KIF7: variants seen among roughly 807,000 people sequenced by gnomAD.
KIF7 encodes kinesin-like protein KIF7.
KIF7 carries 104 observed loss-of-function variants against 135.7 expected under a neutral mutation model. The ratio of observed to expected loss-of-function variants is 0.77; its 90% confidence interval spans 0.65 to 0.90. KIF7 has a LOEUF of 0.90. KIF7 is among the 40% of genes least tolerant of loss of function. The probability of loss-of-function intolerance (pLI) is 0.00; values close to 1 mark genes in which losing one functional copy is unlikely to be tolerated. For missense variants in KIF7, 2,005 were observed against 1,839.1 expected, an observed-to-expected ratio of 1.09 and a Z score of -1.65; for synonymous variants, 883 against 809.4, an observed-to-expected ratio of 1.09 and a Z score of -1.54.
At chr15:89,654,861 T>C (rs1474049225) in intron 1 of KIF7, among the ~76,000 whole-genome samples, 13 of 152,354 alleles carry the variant, frequency 8.5e-5, no homozygotes, top group Admixed American at 6.5e-5. Context: ...CCAGCCCCTA[T>C]TGGGCTCCCG....
chr15:89,645,271 TG>T, intron 9 of KIF7, 64 bp downstream of exon 9: 1 of 1,599,082 alleles, frequency 6.3e-7, no homozygotes, highest in South Asian at 1.1e-5. Context: ...TGTCCCAAGG[TG>T]GCTGGCCCAG....
chr15:89,631,520 C>T lies in KIF7; in HGVS notation c.3086G>A (p.Arg1029Lys), dbSNP rs1208462065. 1.3e-6 allele frequency: 2 copies of T among 1,581,672 alleles called. No homozygotes were observed. The highest frequency in any genetic ancestry group is 4.6e-5 in the East Asian group (2 of 43,406). Residue 1029 changes from arginine (R) to lysine (K), a missense_variant, in exon 15 of 19, where the codon AGG becomes AAG. Transcript: ENST00000394412. The part of the protein sequence containing the change: ...KQRLEIDGKL[R>K]QGSLLSPEEE... Reference sequence around the variant, plus strand: ...CTCGGGGGACAGCAGACTCCCCTGCCTCAGCTTGCCGTCGATCTCCAGGCG... The same window carrying T: ...CTCGGGGGACAGCAGACTCCCCTGCTTCAGCTTGCCGTCGATCTCCAGGCG...
chr15:89,624,784 A>C, downstream of KIF7: 1 of 1,614,230 alleles, frequency 6.2e-7, no homozygotes, highest in Non-Finnish European at 8.5e-7. Context: ...TGAGGGGCTA[A>C]GGACAGCAGA....
intron 2 of KIF7, among the ~76,000 whole-genome samples, chr15:89,652,310 G>GCCAC (rs1964136407): frequency 1.3e-5 from 2 of 152,082 alleles, no homozygotes; most frequent in Admixed American, 1.3e-4. Context: ...CTAGAGACAC[G>GCCAC]CCACCTTCCC....
chr15:89,642,862 C>A (rs1452977121), intron 10 of KIF7, among the ~76,000 whole-genome samples: 1 of 152,242 alleles, frequency 6.6e-6, no homozygotes, highest in Non-Finnish European at 1.5e-5. Flanking sequence ...AGCCACCGCG[C>A]CCAGCCTCAA....
intron 2 of KIF7, 106 bp from the exon 3 acceptor site, chr15:89,650,047 AGGAT>A: frequency 1.7e-6 from 2 of 1,174,776 alleles, no homozygotes; most frequent in Non-Finnish European, 2.4e-6. Context: ...ATGGTGCTCT[AGGAT>A]GGAGAAGGCA....
chr15:89,625,053 C>T, downstream of KIF7: 1 of 1,614,004 alleles, frequency 6.2e-7, no homozygotes. Context: ...TAGACCCCAG[C>T]TCTTCATTAG....
At chr15:89,629,632 C>A (rs1367397456) in intron 16 of KIF7, 59 bp from the exon 17 acceptor site, 1 of 1,596,424 alleles carries the variant, frequency 6.3e-7, no homozygotes, top group South Asian at 1.1e-5. Flanking sequence ...TCCAGCTAAT[C>A]CTCAATCACA....
At chr15:89,654,269 A>G (rs1964172109) in intron 1 of KIF7, among the ~76,000 whole-genome samples, 1 of 151,028 alleles carries the variant, frequency 6.6e-6, no homozygotes, top group African/African-American at 2.4e-5. Context: ...TCGGCCTCCC[A>G]AAGTGCTGGG....
intron 7 of KIF7, among the ~76,000 whole-genome samples, 187 bp from the exon 8 acceptor site, chr15:89,646,213 G>A (rs1022480807): frequency 1.3e-5 from 2 of 151,068 alleles, no homozygotes; most frequent in African/African-American, 2.4e-5. Flanking sequence ...CTCCCCTCCC[G>A]CCTGCTTTGG....
chr15:89,620,932 C>T (rs745454378), intron 1 of KIF7, among the ~76,000 whole-genome samples: 1 of 151,516 alleles, frequency 6.6e-6, no homozygotes. Flanking sequence ...CTGTGTTAGC[C>T]AGGATAGTCT....
Position 89,628,804 on chromosome 15 carries a change from G to C in KIF7, c.3665-18C>G, listed in dbSNP as rs78862745. 9 of 1,611,504 alleles carry C rather than the reference G, an allele frequency of 5.6e-6. No homozygotes were observed. The highest frequency in any genetic ancestry group is 1.3e-5 in the African/African-American group (1 of 74,992). On this transcript the variant is annotated intron_variant, in intron 18 of 18. Coordinates refer to ENST00000394412, the MANE Select transcript of KIF7 (RefSeq NM_198525.3). The stretch of plus-strand genomic sequence containing the variant: ...CTCCCCACCTGTCATGGAGAGTAAC[G>C]TGTCCTCATCAGAAACAGGTGGCAA...
intron 11 of KIF7, 77 bp from the exon 12 acceptor site, chr15:89,633,960 G>C: frequency 2.0e-6 from 3 of 1,536,566 alleles, no homozygotes; most frequent in South Asian, 1.1e-5. Context: ...ACTCAACAAG[G>C]GCAGGCAGAT....
chr15:89,624,299 T>TA (rs1963474278), downstream of KIF7: 1 of 1,614,200 alleles, frequency 6.2e-7, no homozygotes, highest in Non-Finnish European at 8.5e-7. Flanking sequence ...AAATCTAAAA[T>TA]AGAGTGTCCT....
chr15:89,659,164 G>A (rs551023478), upstream of KIF7, among the ~76,000 whole-genome samples: 41 of 152,256 alleles, frequency 2.7e-4, no homozygotes, highest in African/African-American at 8.7e-4. Context: ...CAACAAGCTG[G>A]AAGAAGATAT....
intron 1 of KIF7, chr15:89,618,345 A>G (rs961330642): frequency 1.3e-6 from 1 of 777,564 alleles, no homozygotes; most frequent in Non-Finnish European, 2.2e-6. Context: ...AATGCAGCTC[A>G]GTAAATATTT....
At position 89,629,114 on chromosome 15, in the gene KIF7, C is replaced by G. The variant is rs76346806; in HGVS notation, c.3526G>C (p.Gly1176Arg). Reference sequence around the variant, plus strand: ...CTCCTGCTGTCTGCTAACCCTTCACCGAGGTGGTCTAGAGTGGAAAGGTCG... The same window carrying G: ...CTCCTGCTGTCTGCTAACCCTTCACGGAGGTGGTCTAGAGTGGAAAGGTCG... ...LLLQQSRDHLGEGLADSRRQY... is the reference protein window; with the variant it reads ...LLLQQSRDHLREGLADSRRQY... The change falls in exon 18 of 19, where the codon GGT becomes CGT. Residue 1176 changes from glycine (G) to arginine (R), a missense_variant. Physicochemically the swap from Gly to Arg is moderately radical, Grantham distance 125. Coordinates refer to ENST00000394412, the MANE Select transcript of KIF7 (RefSeq NM_198525.3). 5.0e-6 allele frequency: 8 copies of G among 1,607,734 alleles called. No homozygotes were observed. The South Asian group carries it at 8.8e-5, about 18-fold the overall frequency.
At chr15:89,661,991 C>T in the KIF7 span, among the ~76,000 whole-genome samples, 1 of 152,128 alleles carries the variant, frequency 6.6e-6, no homozygotes, top group East Asian at 1.9e-4. Flanking sequence ...CCTTGGCCTC[C>T]CAAAGTGCTG....
Position 89,635,018 on chromosome 15 carries a change from C to G in KIF7, c.2395-1135G>C, listed in dbSNP as rs542987169. On this transcript the variant is annotated intron_variant, in intron 11 of 18. Transcript: ENST00000394412. ...CTGCCTCCTCAAGTGGGTTCCTGAC[C>G]CCTGACCTCCGAGCAGCCTAACTGG... Among the ~76,000 whole-genome samples, 46 of 152,294 alleles carry G rather than the reference C, an allele frequency of 3.0e-4. No individual in the cohort carries two copies. The East Asian group carries it at 4.2e-3, about 14-fold the overall frequency.
Sources: allele counts gnomAD v4.1 joint callset (sites outside exome capture counted in the v4.1 genomes callset), GRCh38; gene constraint gnomAD v4.1.1; transcripts MANE v1.5; gene names NCBI Gene and HGNC (gene_info 2026-07-23, HGNC 2026-07-21).